The following MRPL48 variants were observed in gnomAD, a reference collection of about 807,000 sequenced individuals.
MRPL48 encodes the protein large ribosomal subunit protein mL48.
In MRPL48, 16 loss-of-function variants were observed where a neutral mutation model predicts 32.9. The observed-to-expected ratio is 0.49, with a 90% CI of 0.33 to 0.74. The LOEUF is 0.74. Ranked by LOEUF, MRPL48 falls within the 30% of genes least tolerant of loss-of-function variation. MRPL48 has a pLI of 0.02. For synonymous variants in MRPL48, 94 were observed against 89.2 expected (o/e 1.05, Z -0.31); for missense variants, 206 against 245.3 (o/e 0.84, Z 1.07).
intron 4 of MRPL48, among the ~76,000 whole-genome samples, chr11:73,844,371 C>T (rs1472587557): frequency 2.0e-5 from 3 of 151,992 alleles, no homozygotes. Context: ...GAAGAGGTTG[C>T]AGTGAGCCGA....
intron 3 of MRPL48, among the ~76,000 whole-genome samples, chr11:73,825,184 A>G (rs1234241683): frequency 6.6e-6 from 1 of 151,674 alleles, no homozygotes; most frequent in Non-Finnish European, 1.5e-5. Flanking sequence ...CTTTTTATAT[A>G]CTAAGTTTAT....
At position 73,808,304 on chromosome 11, in the gene MRPL48, T is replaced by C; in HGVS notation, c.75-9T>C. On this transcript the variant is annotated splice_polypyrimidine_tract_variant and intron_variant, in intron 2 of 7. Transcript: ENST00000310614. The stretch of plus-strand genomic sequence containing the variant: ...AATTGTATTGAACATACTTTCTCCC[T>C]CCTTTTAGGTTTAGAACTTCAGGAG... The C allele has an allele frequency of 6.2e-7, 1 of 1,603,210 alleles. No individual in the cohort carries two copies. The highest frequency in any genetic ancestry group is 8.5e-7 in the Non-Finnish European group (1 of 1,173,576).
chr11:73,814,769 G>A (rs1313175490), intron 3 of MRPL48, among the ~76,000 whole-genome samples: 1 of 151,782 alleles, frequency 6.6e-6, no homozygotes, highest in Admixed American at 6.6e-5. Flanking sequence ...CGAGGCAGGT[G>A]GATCACTTGA....
intron 7 of MRPL48, 123 bp from the exon 8 acceptor site, chr11:73,864,173 G>A: frequency 1.3e-6 from 1 of 776,462 alleles, no homozygotes; most frequent in Non-Finnish European, 2.1e-6. Flanking sequence ...GATAATAAAA[G>A]TTACTTGAAT....
chr11:73,840,509 G>GT (rs1054456818), intron 4 of MRPL48, among the ~76,000 whole-genome samples: 5 of 151,670 alleles, frequency 3.3e-5, no homozygotes, highest in Admixed American at 2.0e-4. Context: ...TTTGTTTTTT[G>GT]TTTTTTTATA....
chr11:73,844,292 G>A (rs1268958423), intron 4 of MRPL48, among the ~76,000 whole-genome samples: 1 of 152,008 alleles, frequency 6.6e-6, no homozygotes, highest in Non-Finnish European at 1.5e-5. Context: ...TTAGCCAGGT[G>A]TGGTGGGGTG....
intron 1 of MRPL48, among the ~76,000 whole-genome samples, chr11:73,798,810 T>G (rs1028953842): frequency 6.6e-6 from 1 of 151,674 alleles, no homozygotes; most frequent in Non-Finnish European, 1.5e-5. Context: ...GCCAACATAG[T>G]GAAATCACGT....
chr11:73,854,481 T>G (rs914209273), intron 5 of MRPL48, among the ~76,000 whole-genome samples: 1 of 152,070 alleles, frequency 6.6e-6, no homozygotes, highest in Non-Finnish European at 1.5e-5. Context: ...CAGATGGGGT[T>G]TCACTATGTT....
chr11:73,817,590 T>C (rs1298623515), intron 3 of MRPL48, among the ~76,000 whole-genome samples: 1 of 152,220 alleles, frequency 6.6e-6, no homozygotes, highest in Non-Finnish European at 1.5e-5. Flanking sequence ...TGATTACTAG[T>C]TGGTTGAACA....
chr11:73,823,559 C>T (rs1947821971), intron 3 of MRPL48, among the ~76,000 whole-genome samples: 1 of 151,962 alleles, frequency 6.6e-6, no homozygotes, highest in African/African-American at 2.4e-5. Context: ...GTGTCCATAA[C>T]CACTAGGTTA....
chr11:73,853,571 T>TGACA (rs1948435704), intron 5 of MRPL48, among the ~76,000 whole-genome samples: 1 of 151,896 alleles, frequency 6.6e-6, no homozygotes, highest in Non-Finnish European at 1.5e-5. Flanking sequence ...AGATGGTACA[T>TGACA]GACAGCACTT....
At chr11:73,823,989 G>A (rs1302568132) in intron 3 of MRPL48, among the ~76,000 whole-genome samples, 1 of 151,694 alleles carries the variant, frequency 6.6e-6, no homozygotes, top group Non-Finnish European at 1.5e-5. Flanking sequence ...CTGAGTAACT[G>A]GGATTATATG....
chr11:73,837,218 C>T (rs188720799), intron 4 of MRPL48, among the ~76,000 whole-genome samples: 230 of 152,340 alleles, frequency 1.5e-3, no homozygotes, highest in Admixed American at 2.9e-3. Context: ...GAGAATGTCA[C>T]TTATAGCGAT....
chr11:73,830,352 G>C (rs766520872), intron 4 of MRPL48, among the ~76,000 whole-genome samples: 3 of 152,154 alleles, frequency 2.0e-5, no homozygotes, highest in Non-Finnish European at 2.9e-5. Context: ...GCTTTTCTCT[G>C]ATGTTATTCA....
At chr11:73,790,162 C>T (rs1387099780) in intron 1 of MRPL48, among the ~76,000 whole-genome samples, 2 of 149,150 alleles carry the variant, frequency 1.3e-5, no homozygotes, top group African/African-American at 2.5e-5. Context: ...CTCCACCTCC[C>T]GGGTTCATGC....
At chr11:73,832,870 T>G (rs1948021200) in intron 4 of MRPL48, among the ~76,000 whole-genome samples, 1 of 152,198 alleles carries the variant, frequency 6.6e-6, no homozygotes, top group Admixed American at 6.5e-5. Context: ...CTATATGCCA[T>G]GCATTGTGCT....
intron 5 of MRPL48, chr11:73,850,754 G>T: frequency 4.7e-6 from 1 of 210,666 alleles, no homozygotes; most frequent in Non-Finnish European, 9.4e-6. Flanking sequence ...TCGACTCACT[G>T]CAACCTCTGC....
intron 3 of MRPL48, among the ~76,000 whole-genome samples, chr11:73,815,843 A>AC (rs1289561929): frequency 6.8e-6 from 1 of 146,660 alleles, no homozygotes; most frequent in Non-Finnish European, 1.5e-5. Context: ...CTCACCTCAG[A>AC]CTCCTCAGTA....
In MRPL48 at chr11:73,799,771, A is replaced by G. The variant is rs1377195943; in HGVS notation, c.22-5256A>G. On this transcript the variant is annotated intron_variant, in intron 1 of 7. Coordinates refer to ENST00000310614, the MANE Select transcript of MRPL48 (RefSeq NM_016055.6). Reference sequence around the variant, plus strand: ...TAACAAAATGGCACTTGTACTCCCTAAATCTATATAAAAGAAAATACAAAG... The same window carrying G: ...TAACAAAATGGCACTTGTACTCCCTGAATCTATATAAAAGAAAATACAAAG... 2.0e-5 allele frequency among the ~76,000 whole-genome samples: 3 copies of G among 152,202 alleles called. No homozygotes were observed. The South Asian group carries it at 6.2e-4, about 31-fold the overall frequency.
Sources: allele counts gnomAD v4.1 joint callset (sites outside exome capture counted in the v4.1 genomes callset), GRCh38; gene constraint gnomAD v4.1.1; transcripts MANE v1.5; gene names NCBI Gene and HGNC (gene_info 2026-07-23, HGNC 2026-07-21).